HYDIN: variants seen among roughly 807,000 people sequenced by gnomAD.
HYDIN encodes axonemal central pair apparatus protein HYDIN.
A neutral mutation model predicts 403.9 loss-of-function variants in HYDIN; 132 were observed. That is an observed-to-expected ratio of 0.33 (90% confidence interval 0.28 to 0.38). The LOEUF is 0.38. HYDIN is among the 10% of genes least tolerant of loss of function. The pLI, the probability that HYDIN is intolerant of heterozygous loss-of-function variation, is 1.00. For missense variants in HYDIN, 2,827 were observed against 5,009.5 expected, an observed-to-expected ratio of 0.56 and a Z score of 13.15; for synonymous variants, 1,202 against 1,891.7, an observed-to-expected ratio of 0.64 and a Z score of 9.46.
At chr16:71,093,748 A>G (rs2083187138) in intron 11 of HYDIN, 69 bp downstream of exon 11, 1 of 1,559,030 alleles carries the variant, frequency 6.4e-7, no homozygotes, top group Non-Finnish European at 8.7e-7. Flanking sequence ...AAATAAAAAC[A>G]TATAAGATAA....
chr16:71,181,628 TA>T (rs1320514908), intron 3 of HYDIN, among the ~76,000 whole-genome samples: 2 of 152,048 alleles, frequency 1.3e-5, no homozygotes, highest in Non-Finnish European at 2.9e-5. Flanking sequence ...CATTTCACCA[TA>T]AGCTCAAAGA....
At chr16:71,218,877 T>A (rs144997634) in intron 1 of HYDIN, among the ~76,000 whole-genome samples, 1 of 152,240 alleles carries the variant, frequency 6.6e-6, no homozygotes, top group African/African-American at 2.4e-5. Context: ...AGGTTTCATA[T>A]GATATCATCT....
chr16:70,881,435 C>A (rs1312427210), intron 60 of HYDIN, among the ~76,000 whole-genome samples: 1 of 142,880 alleles, frequency 7.0e-6, no homozygotes, highest in East Asian at 2.0e-4. Flanking sequence ...GGTGAAACCC[C>A]GTCTCTACTA....
chr16:71,213,741 T>C (rs1361268753), intron 1 of HYDIN, among the ~76,000 whole-genome samples: 1 of 152,156 alleles, frequency 6.6e-6, no homozygotes, highest in Admixed American at 6.5e-5. Flanking sequence ...TTTATGATTT[T>C]TAAAAGTTAT....
chr16:70,837,806 T>C lies in HYDIN; in HGVS notation c.13126A>G (p.Ile4376Val). Residue 4376 changes from isoleucine to valine, a missense_variant, in exon 77 of 86, where the codon ATT (isoleucine) becomes GTT (valine). Coordinates refer to ENST00000393567, the MANE Select transcript of HYDIN (RefSeq NM_001270974.2). ...DVVKPGNTLE[I>V]PITFYPRESI... ...TCTCGAGGATAAAAAGTTATTGGAA[T>C]CTCCAATGTGTTTCCTGGCTTTACC... 2 of 1,613,936 alleles carry C rather than the reference T, an allele frequency of 1.2e-6. No individual in the cohort carries two copies. The highest frequency in any genetic ancestry group is 1.7e-6 in the Non-Finnish European group (2 of 1,179,854).
intron 41 of HYDIN, among the ~76,000 whole-genome samples, chr16:70,948,995 A>T (rs9940313): frequency 1.5e-5 from 2 of 137,634 alleles, no homozygotes; most frequent in Admixed American, 7.2e-5. Flanking sequence ...GCTGCTATAA[A>T]GACACATGCA....
chr16:70,897,357 G>T (rs568090788), intron 53 of HYDIN, among the ~76,000 whole-genome samples: 7 of 152,318 alleles, frequency 4.6e-5, no homozygotes, highest in African/African-American at 1.7e-4. Context: ...ACTCCCTATT[G>T]CATGTGCTTT....
In HYDIN at chr16:71,126,925, C is replaced by G. The variant is rs1443302449; in HGVS notation, c.1227+2715G>C. 2.0e-5 allele frequency among the ~76,000 whole-genome samples: 3 copies of G among 152,016 alleles called. No individual in the cohort carries two copies. The East Asian group carries it at 5.8e-4, about 29-fold the overall frequency. The stretch of plus-strand genomic sequence containing the variant: ...CAAAATTTCAACAGTAAAAAGCACC[C>G]TTGGCTTGCATTTGTGCCAAGAAGT... On this transcript the variant is annotated intron_variant, in intron 9 of 85. Transcript: ENST00000393567.
chr16:71,093,476 G>A (rs2083177487), intron 11 of HYDIN: 1 of 154,756 alleles, frequency 6.5e-6, no homozygotes, highest in Non-Finnish European at 1.4e-5. Context: ...TGGAATTTAT[G>A]TTGTCAGAGA....
intron 67 of HYDIN, among the ~76,000 whole-genome samples, chr16:70,865,747 T>C (rs2039709684): frequency 6.6e-6 from 1 of 151,970 alleles, no homozygotes; most frequent in Non-Finnish European, 1.5e-5. Flanking sequence ...CCAGAAGATA[T>C]ATCTGCAGAG....
At chr16:70,980,274 G>C (rs1201694481) in intron 29 of HYDIN, among the ~76,000 whole-genome samples, 3 of 150,282 alleles carry the variant, frequency 2.0e-5, no homozygotes, top group African/African-American at 7.3e-5. Flanking sequence ...AGGCTGAGAT[G>C]GGAGGATCAC....
chr16:71,198,682 C>A (rs1598010430), intron 1 of HYDIN, among the ~76,000 whole-genome samples: 1 of 152,152 alleles, frequency 6.6e-6, no homozygotes, highest in African/African-American at 2.4e-5. Flanking sequence ...GAGACTCCAT[C>A]TGCCTTGGGA....
chr16:71,024,175 A>G (rs1568010787), intron 21 of HYDIN, among the ~76,000 whole-genome samples: 2 of 152,320 alleles, frequency 1.3e-5, no homozygotes, highest in Middle Eastern at 3.4e-3. Context: ...AAGCCCTCCA[A>G]TGGCCACCCA....
rs1568103550 is a variant in HYDIN at position 71,069,453 on chromosome 16, G to C, written c.1788C>G (p.Pro596=). The change falls in exon 14 of 86, where the codon CCC becomes CCG. Residue 596 remains proline, a synonymous_variant. Transcript: ENST00000393567. ...ICSLNNTSLI[P]MTYKLRIPGD... ...CAGGGATACGCAGTTTGTAAGTCAT[G>C]GGGATCAAAGAGGTATTATTGAGGG... The C allele has an allele frequency of 3.1e-6, 5 of 1,613,872 alleles. No homozygotes were observed. The highest frequency in any genetic ancestry group is 3.4e-6 in the Non-Finnish European group (4 of 1,179,870).
intron 3 of HYDIN, among the ~76,000 whole-genome samples, chr16:71,184,630 G>C (rs2087056023): frequency 6.6e-6 from 1 of 152,136 alleles, no homozygotes. Context: ...ATAGTATTCA[G>C]AAGTAGCTAA....
intron 13 of HYDIN, among the ~76,000 whole-genome samples, chr16:71,070,093 G>C (rs1425329444): frequency 2.6e-5 from 4 of 152,088 alleles, no homozygotes; most frequent in Non-Finnish European, 2.9e-5. Flanking sequence ...AACTGCTTTA[G>C]AGCCAGCCAG....
intron 10 of HYDIN, among the ~76,000 whole-genome samples, chr16:71,108,499 T>A (rs1261972226): frequency 2.0e-5 from 3 of 152,268 alleles, no homozygotes; most frequent in African/African-American, 2.4e-5. Flanking sequence ...AACATAGTGC[T>A]TGCCTTATAA....
At chr16:70,878,601 C>A (rs574495919) in intron 62 of HYDIN, among the ~76,000 whole-genome samples, 2 of 149,094 alleles carry the variant, frequency 1.3e-5, no homozygotes, top group South Asian at 2.1e-4. Flanking sequence ...TATACCTATG[C>A]TCTCATGAAG....
chr16:70,951,248 C>CAGAGAGAGAGAGAG (rs376262243), intron 41 of HYDIN, among the ~76,000 whole-genome samples: 22 of 130,402 alleles, frequency 1.7e-4, no homozygotes, highest in African/African-American at 4.4e-4. Flanking sequence ...GGAAAAGGGA[C>CAGAGAGAGAGAGAG]AGAGAGAGAG....
Sources: gnomAD v4.1 joint callset for allele counts (sites outside exome capture counted in the v4.1 genomes callset) on GRCh38, gnomAD v4.1.1 for gene constraint, MANE v1.5 for transcripts, NCBI Gene and HGNC (gene_info 2026-07-23, HGNC 2026-07-21) for gene names.